The following WNT6 variants were observed in gnomAD, a reference collection of about 807,000 sequenced individuals.
The protein encoded by WNT6 is Wnt family member 6.
In WNT6, 27 loss-of-function variants were observed where a neutral mutation model predicts 33.1. That is an observed-to-expected ratio of 0.82 (90% CI 0.60 to 1.12). The LOEUF (loss-of-function observed/expected upper bound fraction) is 1.12, where lower values mean the gene tolerates loss of function less well. Ranked by LOEUF, WNT6 falls within the 50% of genes most tolerant of loss-of-function variation. The pLI is 0.00. For synonymous variants in WNT6, 249 were observed against 242.8 expected (o/e 1.03, Z -0.24); for missense variants, 494 against 535.3 (o/e 0.92, Z 0.76).
intron 1 of WNT6, among the ~76,000 whole-genome samples, chr2:218,868,101 T>C (rs1340009783): frequency 2.0e-5 from 3 of 152,108 alleles, no homozygotes; most frequent in Non-Finnish European, 4.4e-5. Flanking sequence ...TTCTAGCTGC[T>C]ACTACTGCCC....
chr2:218,865,214 T>G (rs1944344446), intron 1 of WNT6, among the ~76,000 whole-genome samples: 1 of 152,160 alleles, frequency 6.6e-6, no homozygotes. Flanking sequence ...AATGCCACTG[T>G]GGAGGGGATG....
Position 218,873,862 on chromosome 2 carries a change from T to C in WNT6, c.*17T>C. The C allele has an allele frequency of 6.9e-7, 1 of 1,441,748 alleles. No individual in the cohort carries two copies. The allele number at this position is 1,441,748 out of a possible 1,614,324, so 89.3% of individuals were successfully genotyped here. A position where few individuals can be genotyped will look rare whatever the true frequency, so the allele number is the denominator to read the frequency against. ...TGCCTGTGACCCGCCGCCCGGCCGC[T>C]AGACTGACTTCGCGCAGCGGTGGCT... On this transcript the variant is annotated 3_prime_UTR_variant, in exon 4 of 4. Coordinates refer to ENST00000233948, the MANE Select transcript of WNT6 (RefSeq NM_006522.4). This position sits in a 1 kb window ranked among gnomAD's most constrained non-coding sequence, Gnocchi z 6.1.
chr2:218,872,920 G>A (rs928980013), intron 3 of WNT6, among the ~76,000 whole-genome samples: 8 of 152,164 alleles, frequency 5.3e-5, no homozygotes, highest in African/African-American at 1.4e-4. Context: ...GAGAGGGTTG[G>A]GGAGGGGTGA....
At position 218,871,040 on chromosome 2, in the gene WNT6, C is replaced by A; in HGVS notation, c.94C>A (p.Pro32Thr). The A allele has an allele frequency of 6.2e-7, 1 of 1,609,638 alleles. No homozygotes were observed. Among genetic ancestry groups the A allele is most frequent in the Admixed American group, 1.7e-5 (1 of 59,730 alleles). ...VGGLWWAVGS[P>T]LVMDPTSICR... ...TCTGCTTTCCAGGGCTGTGGGCAGC[C>A]CCTTGGTTATGGACCCTACCAGCAT... Residue 32 changes from proline to threonine, a missense_variant, in exon 2 of 4, where the codon CCC (proline) becomes ACC (threonine). Transcript: ENST00000233948. This position sits in a 1 kb window ranked among gnomAD's most constrained non-coding sequence, Gnocchi z 6.4.
rs1407914304 is a variant in WNT6 at position 218,863,623 on chromosome 2, C to T, written c.80+3506C>T. On this transcript the variant is annotated intron_variant, in intron 1 of 3. Coordinates refer to ENST00000233948, the MANE Select transcript of WNT6 (RefSeq NM_006522.4). ...CACCACTTTGGAAGGCTGAGGTGGG[C>T]GGATCACTTGAGGTCAGGAGTTCGA... is the stretch of plus-strand genomic sequence containing the variant. 2.6e-5 allele frequency among the ~76,000 whole-genome samples: 4 copies of T among 152,152 alleles called. No homozygotes were observed. The East Asian group carries it at 5.8e-4, about 22-fold the overall frequency.
At chr2:218,866,685 A>G (rs888819406) in intron 1 of WNT6, among the ~76,000 whole-genome samples, 2 of 152,128 alleles carry the variant, frequency 1.3e-5, no homozygotes, top group Admixed American at 6.6e-5. Context: ...AAGTCTCATC[A>G]TCCATCTAAT....
rs934856497 is a variant in WNT6 at position 218,871,858 on chromosome 2, G to A, written c.636+39G>A. The A allele has an allele frequency of 7.2e-6, 11 of 1,520,340 alleles. No homozygotes were observed. The African/African-American group carries it at 1.3e-4, about 18-fold the overall frequency. 94.2% of individuals were successfully genotyped at this position (1,520,340 alleles called of 1,614,324 possible). A position where few individuals can be genotyped will look rare whatever the true frequency, so the allele number is the denominator to read the frequency against. On this transcript the variant is annotated intron_variant, in intron 3 of 3. Coordinates refer to ENST00000233948, the MANE Select transcript of WNT6 (RefSeq NM_006522.4). The surrounding 1 kb of genome is among the most constrained non-coding windows in gnomAD (Gnocchi z 6.4). ...GGATGGAGTGAGTGTGTGCGGAAAT[G>A]TGAGTGTGCGCGCAGGAGTGTGCTT...
In WNT6 at chr2:218,860,064, C is replaced by A; in HGVS notation, c.27C>A (p.Leu9=). 6.6e-7 allele frequency: 1 copy of A among 1,522,232 alleles called. No individual in the cohort carries two copies. The allele number at this position is 1,522,232 out of a possible 1,614,324, so 94.3% of individuals were successfully genotyped here. MLPPLPSR[L]GLLLLLLLCP... The stretch of plus-strand genomic sequence containing the variant: ...TGCTGCCGCCCTTACCCTCCCGCCT[C>A]GGGCTGCTGCTGCTGCTGCTCCTGT... The change falls in exon 1 of 4, where the codon CTC becomes CTA. Residue 9 remains leucine (L), a synonymous_variant. Coordinates refer to ENST00000233948, the MANE Select transcript of WNT6 (RefSeq NM_006522.4).
Position 218,873,548 on chromosome 2 carries a change from G to A in WNT6, c.801G>A (p.Lys267=). 6.5e-7 allele frequency: 1 copy of A among 1,537,348 alleles called. No homozygotes were observed. The highest frequency in any genetic ancestry group is 8.7e-7 in the Non-Finnish European group (1 of 1,145,738). The change falls in exon 4 of 4, where the codon AAG becomes AAA. Residue 267 remains lysine (K), a synonymous_variant. Coordinates refer to ENST00000233948, the MANE Select transcript of WNT6 (RefSeq NM_006522.4). This position sits in a 1 kb window ranked among gnomAD's most constrained non-coding sequence, Gnocchi z 6.1. ...ASRVMGTNDG[K]ALLPAVRTLK... ...GCGTCATGGGCACCAACGACGGCAA[G>A]GCCCTGCTGCCCGCCGTCCGCACGC...
chr2:218,860,923 C>T (rs937700384), intron 1 of WNT6, among the ~76,000 whole-genome samples: 3 of 151,926 alleles, frequency 2.0e-5, no homozygotes, highest in African/African-American at 4.8e-5. Context: ...GGAGGGTGCC[C>T]GACCGGGACG....
chr2:218,873,400 C>T lies in WNT6; in HGVS notation c.653C>T (p.Thr218Met). ...EAGRLAVRSH[T>M]RTECKCHGLS... is the part of the protein sequence containing the mutation. The stretch of plus-strand genomic sequence containing the variant: ...CTCCCGCAGGCCGTGCGGAGCCACA[C>T]GCGCACCGAGTGCAAATGCCACGGG... Residue 218 changes from threonine (T) to methionine (M), a missense_variant, in exon 4 of 4, where the codon ACG becomes ATG. Thr to Met is a moderately conservative substitution (Grantham distance 81). Transcript: ENST00000233948. This position sits in a 1 kb window ranked among gnomAD's most constrained non-coding sequence, Gnocchi z 6.1. 6.5e-7 allele frequency: 1 copy of T among 1,536,202 alleles called. No individual in the cohort carries two copies. Among genetic ancestry groups the T allele is most frequent in the South Asian group, 1.2e-5 (1 of 83,958 alleles).
intron 1 of WNT6, among the ~76,000 whole-genome samples, 196 bp downstream of exon 1, chr2:218,860,313 C>G (rs547974054): frequency 1.3e-5 from 2 of 152,280 alleles, no homozygotes; most frequent in South Asian, 4.2e-4. Context: ...GTTTCCTCCT[C>G]CCGGGTTCTC....
At chr2:218,861,133 C>T (rs1944306879) in intron 1 of WNT6, among the ~76,000 whole-genome samples, 2 of 152,190 alleles carry the variant, frequency 1.3e-5, no homozygotes, top group African/African-American at 4.8e-5. Flanking sequence ...GCTCCTCCCT[C>T]GCCCCCCAGA....
At position 218,859,898 on chromosome 2, in the gene WNT6, C is replaced by CCCG. The variant is rs955959707; in HGVS notation, c.-130_-128dup. ...GCCCTCCTCGCCCGGGATGGGCCCC[C>CCCG]CCGCCGCCGCCGGATCCCTCGCCTC... On this transcript the variant is annotated 5_prime_UTR_variant, in exon 1 of 4. Coordinates refer to ENST00000233948, the MANE Select transcript of WNT6 (RefSeq NM_006522.4). The CCCG allele has an allele frequency of 3.1e-5, 17 of 543,002 alleles. No individual in the cohort carries two copies. In the Admixed American group the frequency reaches 7.7e-4, roughly 25 times the overall value. The allele number at this position is 543,002 out of a possible 1,614,324, so 33.6% of individuals were successfully genotyped here.
At chr2:218,865,737 G>C (rs1944349195) in intron 1 of WNT6, among the ~76,000 whole-genome samples, 1 of 152,090 alleles carries the variant, frequency 6.6e-6, no homozygotes, top group South Asian at 2.1e-4. Context: ...CAATATGGGC[G>C]AGCAGAGGGC....
chr2:218,863,398 A>T (rs1252735322), intron 1 of WNT6, among the ~76,000 whole-genome samples: 2 of 152,140 alleles, frequency 1.3e-5, no homozygotes, highest in Non-Finnish European at 2.9e-5. Context: ...AGCAGAGAGG[A>T]CCCCAGGACC....
rs933189247 is a variant in WNT6 at position 218,859,905 on chromosome 2, C to T, written c.-133C>T. 5 of 630,154 alleles carry T rather than the reference C, an allele frequency of 7.9e-6. No homozygotes were observed. The highest frequency in any genetic ancestry group is 1.1e-4 in the Admixed American group (2 of 18,484). The allele number at this position is 630,154 out of a possible 1,614,324, so 39.0% of individuals were successfully genotyped here. A position where few individuals can be genotyped will look rare whatever the true frequency, so the allele number is the denominator to read the frequency against. On this transcript the variant is annotated 5_prime_UTR_variant, in exon 1 of 4. Coordinates refer to ENST00000233948, the MANE Select transcript of WNT6 (RefSeq NM_006522.4). ...TCGCCCGGGATGGGCCCCCCCGCCG[C>T]CGCCGGATCCCTCGCCTCCCGGCCG...
intron 1 of WNT6, among the ~76,000 whole-genome samples, chr2:218,870,821 A>G (rs1944393371): frequency 6.6e-6 from 1 of 152,252 alleles, no homozygotes; most frequent in Admixed American, 6.5e-5. Flanking sequence ...GCTCTGTAGC[A>G]ATTATCAGAC....
intron 1 of WNT6, among the ~76,000 whole-genome samples, chr2:218,864,977 T>A (rs925611267): frequency 1.3e-5 from 2 of 152,120 alleles, no homozygotes; most frequent in Non-Finnish European, 2.9e-5. Flanking sequence ...AGGGATACAA[T>A]GGGGCTGTGA....
Sources: gnomAD v4.1 joint callset for allele counts (sites outside exome capture counted in the v4.1 genomes callset) on GRCh38, gnomAD v4.1.1 for gene constraint, Gnocchi (gnomAD v3.1) non-coding constraint, MANE v1.5 for transcripts, NCBI Gene and HGNC (gene_info 2026-07-23, HGNC 2026-07-21) for gene names.